Variants in TMEM266 observed in about 807,000 individuals in gnomAD.
TMEM266 encodes the protein Hv1 related protein 1.
A neutral mutation model predicts 50.5 loss-of-function variants in TMEM266; 33 were observed. That is an observed-to-expected ratio of 0.65 (90% CI 0.50 to 0.87). The LOEUF (loss-of-function observed/expected upper bound fraction) is 0.87, where lower values mean the gene tolerates loss of function less well. Ranked by LOEUF, TMEM266 falls within the 40% of genes least tolerant of loss-of-function variation. The pLI is 0.00. For missense variants in TMEM266, 655 were observed against 695.1 expected (o/e 0.94, Z 0.65); for synonymous variants, 310 against 292.3 (o/e 1.06, Z -0.62).
chr15:76,193,492 T>A (rs920768638), intron 9 of TMEM266, among the ~76,000 whole-genome samples: 2 of 152,154 alleles, frequency 1.3e-5, no homozygotes, highest in African/African-American at 4.8e-5. Flanking sequence ...AAGTGCTAGG[T>A]TTATAGGCAT....
At chr15:76,107,285 C>G (rs558156546) in intron 1 of TMEM266, among the ~76,000 whole-genome samples, 1 of 152,270 alleles carries the variant, frequency 6.6e-6, no homozygotes, top group African/African-American at 2.4e-5. Flanking sequence ...GTGTATTTTA[C>G]AAGCACGGCA....
chr15:76,137,952 T>C (rs1353721731), intron 3 of TMEM266, 57 bp downstream of exon 3: 8 of 1,490,308 alleles, frequency 5.4e-6, no homozygotes, highest in Non-Finnish European at 7.2e-6. Context: ...CTAGGCGCGG[T>C]GGCTCACGCC....
intron 7 of TMEM266, chr15:76,175,158 C>A: frequency 5.2e-6 from 1 of 192,916 alleles, no homozygotes; most frequent in Non-Finnish European, 1.1e-5. Flanking sequence ...CAGGGCCGCC[C>A]CATCCTCACT....
Position 76,204,266 on chromosome 15 carries a change from G to T in TMEM266, c.1547G>T (p.Arg516Ile). 6.2e-7 allele frequency: 1 copy of T among 1,613,102 alleles called. No individual in the cohort carries two copies. The highest frequency in any genetic ancestry group is 8.5e-7 in the Non-Finnish European group (1 of 1,179,376). ...GTGCCCATGCTGGAGGACAAGTTCA[G>T]ATCTTTGGAATCCAAAGAGCAAAAG... The change falls in exon 11 of 11, where the codon AGA (arginine) becomes ATA (isoleucine). Residue 516 changes from arginine to isoleucine, a missense_variant. Arg to Ile is a moderately conservative substitution (Grantham distance 97, BLOSUM62 -3). Transcript: ENST00000388942.
chr15:76,075,837 C>CTTT (rs71140194), intron 1 of TMEM266, among the ~76,000 whole-genome samples: 316 of 23,594 alleles, frequency 0.013, 136 homozygotes, highest in Non-Finnish European at 0.02. Context: ...GAGAAGGCAG[C>CTTT]TTTTTTTTTT....
intron 10 of TMEM266, among the ~76,000 whole-genome samples, chr15:76,202,998 G>A (rs996271884): frequency 2.0e-5 from 3 of 151,646 alleles, no homozygotes; most frequent in African/African-American, 4.8e-5. Flanking sequence ...AAAGACCACC[G>A]TCTCCAGCCC....
rs2036578388 is a variant in TMEM266, at chr15:76,074,494, A to G, written c.-97+14478A>G. On this transcript the variant is annotated intron_variant, in intron 1 of 10. Transcript: ENST00000388942. The stretch of plus-strand genomic sequence containing the variant: ...ATTGACACTTCAAATTAATGCTTAT[A>G]TAATATTTTATTTTATAATATGTTT... Among the ~76,000 whole-genome samples, 4 of 152,160 alleles carry G rather than the reference A, an allele frequency of 2.6e-5. No individual in the cohort carries two copies. The South Asian group carries it at 6.2e-4, about 24-fold the overall frequency.
At position 76,156,459 on chromosome 15, in the gene TMEM266, T is replaced by C. The variant is rs1165297295; in HGVS notation, c.228-145T>C. ...ACGCTCCCCAGCCTCTTGAATGAGG[T>C]TGTGTTTCGCCATGAAGCCTAGAGC... On this transcript the variant is annotated intron_variant, in intron 3 of 10. Coordinates refer to ENST00000388942, the MANE Select transcript of TMEM266 (RefSeq NM_152335.3). 13 of 757,046 alleles carry C rather than the reference T, an allele frequency of 1.7e-5. No individual in the cohort carries two copies. In the East Asian group the frequency reaches 2.9e-4, roughly 17 times the overall value. The allele number at this position is 757,046 out of a possible 1,614,324, so 46.9% of individuals were successfully genotyped here. A position where few individuals can be genotyped will look rare whatever the true frequency, so the allele number is the denominator to read the frequency against.
At chr15:76,070,514 C>T (rs2036523467) in intron 1 of TMEM266, among the ~76,000 whole-genome samples, 1 of 152,120 alleles carries the variant, frequency 6.6e-6, no homozygotes, top group Admixed American at 6.6e-5. Flanking sequence ...AGAACATGGG[C>T]ACTTCTGCAG....
At chr15:76,169,417 G>A (rs2038152136) in intron 5 of TMEM266, among the ~76,000 whole-genome samples, 1 of 152,288 alleles carries the variant, frequency 6.6e-6, no homozygotes, top group Non-Finnish European at 1.5e-5. Flanking sequence ...TTGTATATTT[G>A]AAGATTCGTA....
chr15:76,144,850 G>A (rs975958099), intron 3 of TMEM266, among the ~76,000 whole-genome samples: 6 of 152,148 alleles, frequency 3.9e-5, no homozygotes, highest in African/African-American at 9.7e-5. Context: ...CAGCTGAGCC[G>A]CCCACAATGC....
intron 2 of TMEM266, among the ~76,000 whole-genome samples, chr15:76,135,511 G>A (rs180980200): frequency 3.0e-4 from 46 of 152,326 alleles, no homozygotes; most frequent in African/African-American, 1.1e-3. Context: ...TCTTTGTTTA[G>A]TTCAGTGATC....
chr15:76,085,756 A>T (rs527917715), intron 1 of TMEM266, among the ~76,000 whole-genome samples: 1 of 152,188 alleles, frequency 6.6e-6, no homozygotes, highest in African/African-American at 2.4e-5. Flanking sequence ...ACATACAAAA[A>T]TGTCCACAGG....
At chr15:76,101,110 G>A (rs146163883) in intron 1 of TMEM266, among the ~76,000 whole-genome samples, 48 of 151,912 alleles carry the variant, frequency 3.2e-4, no homozygotes, top group Non-Finnish European at 6.0e-4. Flanking sequence ...CTTTTTGGAT[G>A]TTAGTAGATG....
chr15:76,162,888 C>T (rs1218019533), intron 5 of TMEM266, among the ~76,000 whole-genome samples: 1 of 152,212 alleles, frequency 6.6e-6, no homozygotes, highest in African/African-American at 2.4e-5. Context: ...AGGGATGTGG[C>T]TGTGGGCCGA....
At chr15:76,134,633 A>G (rs2037562784) in intron 2 of TMEM266, among the ~76,000 whole-genome samples, 1 of 152,224 alleles carries the variant, frequency 6.6e-6, no homozygotes, top group Non-Finnish European at 1.5e-5. Context: ...AATCTTACCA[A>G]GCACCTGCAA....
At chr15:76,105,680 C>T (rs1269005481) in intron 1 of TMEM266, among the ~76,000 whole-genome samples, 1 of 152,180 alleles carries the variant, frequency 6.6e-6, no homozygotes, top group East Asian at 1.9e-4. Context: ...CATGATTTGC[C>T]AAGCGCTGCT....
At chr15:76,173,220 A>AT (rs1333852648) in intron 7 of TMEM266, among the ~76,000 whole-genome samples, 1 of 152,126 alleles carries the variant, frequency 6.6e-6, no homozygotes, top group Non-Finnish European at 1.5e-5. Flanking sequence ...TTCTCTGCTG[A>AT]TTCCTGCAAC....
chr15:76,114,822 T>C (rs74417720), intron 1 of TMEM266, among the ~76,000 whole-genome samples: 12,231 of 152,188 alleles, frequency 0.08, 904 homozygotes, highest in Admixed American at 0.21. Flanking sequence ...CCCATTAAAG[T>C]CACTCTCTCC....
Sources: gnomAD v4.1 joint callset for allele counts (sites outside exome capture counted in the v4.1 genomes callset) on GRCh38, gnomAD v4.1.1 for gene constraint, MANE v1.5 for transcripts, NCBI Gene and HGNC (gene_info 2026-07-23, HGNC 2026-07-21) for gene names.